RTEL1: variants seen among roughly 807,000 people sequenced by gnomAD.
RTEL1 encodes regulator of telomere length.
RTEL1 carries 86 observed loss-of-function variants against 162.2 expected under a neutral mutation model. The observed-to-expected ratio is 0.53, with a 90% CI of 0.45 to 0.63. RTEL1 has a LOEUF of 0.63. Among genes scored for constraint, RTEL1 ranks in the 30% least tolerant of loss-of-function variants. The pLI, the probability that RTEL1 is intolerant of heterozygous loss-of-function variation, is 0.00. For synonymous variants in RTEL1, 958 were observed against 717.9 expected (o/e 1.33, Z -5.35); for missense variants, 1,941 against 1,750.2 (o/e 1.11, Z -1.95).
chr20:63,675,778 C>T (rs1316305951), intron 10 of RTEL1, among the ~76,000 whole-genome samples: 1 of 152,208 alleles, frequency 6.6e-6, no homozygotes, highest in Non-Finnish European at 1.5e-5. Context: ...CCCCACCTCT[C>T]TAACGGGGTG....
intron 2 of RTEL1, among the ~76,000 whole-genome samples, chr20:63,660,002 A>G (rs1163262141): frequency 5.3e-5 from 8 of 152,144 alleles, no homozygotes; most frequent in African/African-American, 1.7e-4. Flanking sequence ...CTATGCCTGG[A>G]TGTGCACGTA....
intron 30 of RTEL1, 88 bp downstream of exon 30, chr20:63,693,371 C>G (rs539358668): frequency 2.6e-6 from 4 of 1,527,590 alleles, no homozygotes; most frequent in South Asian, 1.1e-5. Context: ...TGGGCATCCT[C>G]GGGCCCTGCT....
At position 63,678,751 on chromosome 20, in the gene RTEL1, G is replaced by A. The variant is rs1431256208; in HGVS notation, c.1037+405G>A. Among the ~76,000 whole-genome samples, 5 of 121,878 alleles carry A rather than the reference G, an allele frequency of 4.1e-5. 1 individual carries two copies. The highest frequency in any genetic ancestry group is 1.7e-4 in the Admixed American group (2 of 11,968). 80.0% of individuals were successfully genotyped at this position (121,878 alleles called of 152,430 possible). A position where few individuals can be genotyped will look rare whatever the true frequency, so the allele number is the denominator to read the frequency against. On this transcript the variant is annotated intron_variant, in intron 12 of 34. Coordinates refer to ENST00000360203, the MANE Select transcript of RTEL1 (RefSeq NM_001283009.2). Reference sequence around the variant, plus strand: ...CCCACGGAACGGCACACACTCCCACGGAACGGCACACTCTCCCACGGAACA... The same window carrying A: ...CCCACGGAACGGCACACACTCCCACAGAACGGCACACTCTCCCACGGAACA...
At chr20:63,678,069 G>T (rs1569094689) in intron 10 of RTEL1, 76 bp from the exon 11 acceptor site, 5 of 1,555,930 alleles carry the variant, frequency 3.2e-6, no homozygotes, top group Non-Finnish European at 4.4e-6. Flanking sequence ...TCCATGCCAG[G>T]AATCCTGGTT....
intron 29 of RTEL1, 59 bp from the exon 30 acceptor site, chr20:63,693,084 T>A: frequency 2.5e-6 from 4 of 1,610,674 alleles, no homozygotes; most frequent in Non-Finnish European, 2.5e-6. Context: ...GGGTCCAAGG[T>A]GGTCTCTGTT....
chr20:63,694,177 C>G (rs2090904157), intron 30 of RTEL1, 195 bp from the exon 31 acceptor site: 2 of 599,682 alleles, frequency 3.3e-6, no homozygotes. Flanking sequence ...GCCTGCCCGC[C>G]ACTGTTCCAG....
chr20:63,685,717 C>T, intron 15 of RTEL1, 74 bp from the exon 16 acceptor site: 2 of 1,584,180 alleles, frequency 1.3e-6, no homozygotes, highest in African/African-American at 1.3e-5. Context: ...TGGGGGTCTT[C>T]TGGTCCTAAA....
chr20:63,667,112 T>G (rs375822467), intron 7 of RTEL1, among the ~76,000 whole-genome samples: 2 of 152,206 alleles, frequency 1.3e-5, no homozygotes, highest in Admixed American at 6.5e-5. Flanking sequence ...GTGCTGGGAT[T>G]ACAGGAGTGA....
At position 63,688,536 on chromosome 20, in the gene RTEL1, C is replaced by G; in HGVS notation, c.1731C>G (p.Asp577Glu). ...GCCTCTTCCTCCCACAGGCCCGCGA[C>G]TTGGCCAGGAAGATGGAGGCGCTGA... is the stretch of plus-strand genomic sequence containing the variant. The part of the protein sequence containing the change: ...EKSLEFWRAR[D>E]LARKMEALKP... The change falls in exon 21 of 35, where the codon GAC (aspartate) becomes GAG (glutamate). Residue 577 changes from aspartate to glutamate, a missense_variant. Asp to Glu is a conservative substitution (Grantham distance 45). Transcript: ENST00000360203. The G allele has an allele frequency of 6.2e-7, 1 of 1,610,814 alleles. No homozygotes were observed. Among genetic ancestry groups the G allele is most frequent in the Non-Finnish European group, 8.5e-7 (1 of 1,179,580 alleles).
intron 26 of RTEL1, among the ~76,000 whole-genome samples, 166 bp from the exon 27 acceptor site, chr20:63,690,639 A>G (rs984163724): frequency 2.0e-5 from 3 of 152,042 alleles, no homozygotes; most frequent in Non-Finnish European, 4.4e-5. Context: ...AGAACGCCCC[A>G]GGCAAGGATG....
chr20:63,677,966 C>T (rs375523235), intron 10 of RTEL1, among the ~76,000 whole-genome samples, 179 bp from the exon 11 acceptor site: 26 of 148,520 alleles, frequency 1.8e-4, no homozygotes, highest in African/African-American at 5.5e-4. Context: ...TTGGCCTGCA[C>T]GGATTCTGTG....
At chr20:63,669,159 T>C (rs1426091838) in intron 8 of RTEL1, among the ~76,000 whole-genome samples, 1 of 152,152 alleles carries the variant, frequency 6.6e-6, no homozygotes, top group Non-Finnish European at 1.5e-5. Flanking sequence ...TTGGTGATTG[T>C]TTTTTGACAA....
intron 30 of RTEL1, among the ~76,000 whole-genome samples, chr20:63,693,621 ACCACCACCTCCACCACCACCACCT>A (rs1568721234): frequency 6.1e-4 from 12 of 19,828 alleles, no homozygotes; most frequent in African/African-American, 8.8e-4. Flanking sequence ...CTCCACCTCC[ACCACCACCTCCACCACCACCACCT>A]CCACCTCCAC....
At chr20:63,672,421 C>T in intron 8 of RTEL1, 135 bp from the exon 9 acceptor site, 1 of 723,760 alleles carries the variant, frequency 1.4e-6, no homozygotes, top group Non-Finnish European at 2.4e-6. Flanking sequence ...CCAGGTCTGG[C>T]CTCTGCTCTC....
chr20:63,659,029 T>C (rs2146140219), intron 1 of RTEL1, among the ~76,000 whole-genome samples: 1 of 152,324 alleles, frequency 6.6e-6, no homozygotes, highest in East Asian at 1.9e-4. Context: ...TGGGCGTCTT[T>C]TCCAGAGAAG....
intron 13 of RTEL1, 62 bp from the exon 14 acceptor site, chr20:63,680,602 G>A (rs1159607005): frequency 4.0e-5 from 63 of 1,568,750 alleles, no homozygotes; most frequent in Middle Eastern, 1.9e-4. Flanking sequence ...TGGAAGGGCC[G>A]GGGCTGGGGT....
chr20:63,659,172 G>C (rs1286112249), intron 1 of RTEL1, 61 bp from the exon 2 acceptor site: 1 of 545,814 alleles, frequency 1.8e-6, no homozygotes, highest in Non-Finnish European at 3.3e-6. Flanking sequence ...GGAAACGCCT[G>C]GGAAAGTAGC....
At chr20:63,672,437 C>T (rs1209317744) in intron 8 of RTEL1, 119 bp from the exon 9 acceptor site, 4 of 813,454 alleles carry the variant, frequency 4.9e-6, no homozygotes, top group South Asian at 1.5e-5. Flanking sequence ...CTCTCGACAT[C>T]GCCGGCGCTG....
rs1487068301 is a variant in RTEL1, at chr20:63,688,353, T to C, written c.1689T>C (p.Tyr563=). The C allele has an allele frequency of 1.2e-6, 2 of 1,612,430 alleles. No homozygotes were observed. Among genetic ancestry groups the C allele is most frequent in the Middle Eastern group, 1.7e-4 (1 of 6,060 alleles). Residue 563 remains tyrosine (Y), a synonymous_variant, in exon 20 of 35, where the codon TAT becomes TAC. Coordinates refer to ENST00000360203, the MANE Select transcript of RTEL1 (RefSeq NM_001283009.2). ...GGCTCCTGATCTTCTTCCCTTCCTA[T>C]CCTGTCATGGAGAAGAGCCTGGAGT... ...PYGLLIFFPS[Y]PVMEKSLEFW...
Sources: allele counts gnomAD v4.1 joint callset (sites outside exome capture counted in the v4.1 genomes callset), GRCh38; gene constraint gnomAD v4.1.1; transcripts MANE v1.5; gene names NCBI Gene and HGNC (gene_info 2026-07-23, HGNC 2026-07-21).